Variants in WWC1 observed in about 807,000 individuals in gnomAD.
WWC1 encodes the protein WW and C2 domain containing 1.
Under a neutral mutation model 138.4 loss-of-function variants are expected in WWC1, and 55 were observed. That is an observed-to-expected ratio of 0.40 (90% CI 0.32 to 0.50). The LOEUF is 0.50. WWC1 is among the 20% of genes least tolerant of loss of function. The probability of loss-of-function intolerance (pLI) is 0.72; values close to 1 mark genes in which losing one functional copy is unlikely to be tolerated. For synonymous variants in WWC1, 524 were observed against 564.9 expected, an observed-to-expected ratio of 0.93 and a Z score of 1.03; for missense variants, 1,226 against 1,420.4, an observed-to-expected ratio of 0.86 and a Z score of 2.20.
At chr5:168,452,066 T>C (rs35030651) in intron 17 of WWC1, among the ~76,000 whole-genome samples, 46,437 of 151,854 alleles carry the variant, frequency 0.31, 8,320 homozygotes, top group Middle Eastern at 0.45. Flanking sequence ...CCACCACGCC[T>C]GGCTAATTTT....
intron 1 of WWC1, among the ~76,000 whole-genome samples, chr5:168,353,362 C>T (rs1157568000): frequency 6.6e-6 from 1 of 152,210 alleles, no homozygotes; most frequent in Admixed American, 6.5e-5. Context: ...GACCCTGAGG[C>T]AGTCCTTGCC....
chr5:168,455,599 A>G (rs1472754091), intron 19 of WWC1, 79 bp downstream of exon 19: 5 of 1,544,954 alleles, frequency 3.2e-6, no homozygotes, highest in Non-Finnish European at 4.4e-6. Context: ...AAATCCCATT[A>G]CTCTCATGTT....
chr5:168,469,021 C>A lies in WWC1; in HGVS notation c.*4C>A. ...TCTCTCTGCAGATGACGTCTAATCG[C>A]CAGAAAAGTATTTCCTTTGTTCCAC... On this transcript the variant is annotated 3_prime_UTR_variant, in exon 23 of 23. Transcript: ENST00000265293. The A allele has an allele frequency of 6.2e-7, 1 of 1,614,194 alleles. No homozygotes were observed. The highest frequency in any genetic ancestry group is 8.5e-7 in the Non-Finnish European group (1 of 1,180,020).
At chr5:168,442,809 C>T (rs1754902198) in intron 16 of WWC1, among the ~76,000 whole-genome samples, 1 of 150,270 alleles carries the variant, frequency 6.7e-6, no homozygotes, top group South Asian at 2.1e-4. Context: ...CGCACTCCAG[C>T]CCGGGCAGCA....
chr5:168,297,809 T>A (rs1769685762), intron 1 of WWC1, among the ~76,000 whole-genome samples: 1 of 152,144 alleles, frequency 6.6e-6, no homozygotes, highest in Non-Finnish European at 1.5e-5. Context: ...TTCACACATA[T>A]TTTATGTGCA....
chr5:168,316,269 A>G (rs1385294984), intron 1 of WWC1, among the ~76,000 whole-genome samples: 1 of 152,214 alleles, frequency 6.6e-6, no homozygotes, highest in African/African-American at 2.4e-5. Flanking sequence ...TCTTCATCGC[A>G]TCAGTGAAGG....
intron 1 of WWC1, among the ~76,000 whole-genome samples, chr5:168,307,832 G>A (rs927998454): frequency 6.6e-6 from 1 of 151,992 alleles, no homozygotes; most frequent in African/African-American, 2.4e-5. Context: ...GGCTGGTCTC[G>A]ATCTCCTGAC....
At position 168,471,059 on chromosome 5, in the gene WWC1, T is replaced by C. The variant is rs1006794516; in HGVS notation, c.*2042T>C. On this transcript the variant is annotated 3_prime_UTR_variant, in exon 23 of 23. Transcript: ENST00000265293. ...TATTGGTGAGTCACACAGGGAACGC[T>C]GAAATTCATGGCCTTCTCCAGGCTA... The C allele has an allele frequency of 2.6e-5, 4 of 152,258 alleles. No individual in the cohort carries two copies. Among genetic ancestry groups the C allele is most frequent in the African/African-American group, 7.2e-5 (3 of 41,410 alleles). 9.4% of individuals were successfully genotyped at this position (152,258 alleles called of 1,614,324 possible). A position where few individuals can be genotyped will look rare whatever the true frequency, so the allele number is the denominator to read the frequency against.
chr5:168,360,418 T>C (rs1042279789), intron 1 of WWC1, among the ~76,000 whole-genome samples: 2 of 152,182 alleles, frequency 1.3e-5, no homozygotes, highest in African/African-American at 4.8e-5. Context: ...ATTGGGGTGA[T>C]TGTACCTGCC....
chr5:168,348,483 A>T (rs1774665095), intron 1 of WWC1, among the ~76,000 whole-genome samples: 1 of 152,126 alleles, frequency 6.6e-6, no homozygotes, highest in Admixed American at 6.6e-5. Flanking sequence ...CCTGAAGCAT[A>T]CCTCTCAAGA....
At chr5:168,398,739 G>A (rs1561706494) in intron 4 of WWC1, among the ~76,000 whole-genome samples, 1 of 152,156 alleles carries the variant, frequency 6.6e-6, no homozygotes, top group Non-Finnish European at 1.5e-5. Flanking sequence ...TGAGGGATGT[G>A]GGCTGGGGGT....
chr5:168,442,310 GGTT>G (rs1051610622), intron 16 of WWC1, among the ~76,000 whole-genome samples: 3 of 151,992 alleles, frequency 2.0e-5, no homozygotes, highest in African/African-American at 4.8e-5. Context: ...AGCCTTAAAA[GGTT>G]GTTATGAGGA....
chr5:168,407,945 G>T (rs538039422), intron 6 of WWC1, among the ~76,000 whole-genome samples: 1 of 150,722 alleles, frequency 6.6e-6, no homozygotes, highest in African/African-American at 2.4e-5. Flanking sequence ...TCACTGCAGC[G>T]TCAAACTCCT....
intron 15 of WWC1, among the ~76,000 whole-genome samples, chr5:168,438,512 C>G (rs1174463826): frequency 6.6e-6 from 1 of 152,176 alleles, no homozygotes; most frequent in African/African-American, 2.4e-5. Flanking sequence ...TCAACTAAAC[C>G]TCTTTCTTTT....
intron 3 of WWC1, among the ~76,000 whole-genome samples, chr5:168,388,955 C>T (rs1054733025): frequency 6.6e-6 from 1 of 151,984 alleles, no homozygotes; most frequent in Non-Finnish European, 1.5e-5. Context: ...GTGAACCACC[C>T]TAATGAGAGA....
chr5:168,405,228 C>T (rs1413714996), intron 5 of WWC1, among the ~76,000 whole-genome samples: 1 of 152,202 alleles, frequency 6.6e-6, no homozygotes, highest in East Asian at 1.9e-4. Context: ...TAGCTCAACA[C>T]ATGCTTATTA....
chr5:168,331,025 G>A (rs1404184156), intron 1 of WWC1, among the ~76,000 whole-genome samples: 1 of 152,044 alleles, frequency 6.6e-6, no homozygotes, highest in Admixed American at 6.6e-5. Flanking sequence ...CTTCTCGAGG[G>A]GGTCATGCTT....
intron 17 of WWC1, 41 bp from the exon 18 acceptor site, chr5:168,453,927 G>A: frequency 6.2e-7 from 1 of 1,609,942 alleles, no homozygotes; most frequent in Admixed American, 1.7e-5. Flanking sequence ...CAGAGGCAGA[G>A]CGGCTTCTGG....
rs1408102369 is a variant in WWC1 at position 168,292,671 on chromosome 5, TG to T, written c.119+406del. On this transcript the variant is annotated intron_variant, in intron 1 of 22. Transcript: ENST00000265293. This position sits in a 1 kb window ranked among gnomAD's most constrained non-coding sequence, Gnocchi z 4.4. ...TTCCCGGGGAGGCTTCCACCCAGCG[TG>T]GGGGGTGGGCGGATGGGGATGGGGA... 7.2e-6 allele frequency among the ~76,000 whole-genome samples: 1 copy of T among 138,394 alleles called. No homozygotes were observed. The highest frequency in any genetic ancestry group is 2.7e-5 in the African/African-American group (1 of 37,072). 90.8% of individuals were successfully genotyped at this position (138,394 alleles called of 152,430 possible).
Sources: gnomAD v4.1 joint callset for allele counts (sites outside exome capture counted in the v4.1 genomes callset) on GRCh38, gnomAD v4.1.1 for gene constraint, Gnocchi (gnomAD v3.1) non-coding constraint, MANE v1.5 for transcripts, NCBI Gene and HGNC (gene_info 2026-07-23, HGNC 2026-07-21) for gene names.